Variants in FGL1 observed in about 807,000 individuals in gnomAD.
FGL1 encodes fibrinogen-like protein 1.
FGL1 carries 59 observed loss-of-function variants against 43.7 expected under a neutral mutation model. That is an observed-to-expected ratio of 1.35 (90% confidence interval 1.10 to 1.68). FGL1 has a LOEUF of 1.68. Ranked by LOEUF, FGL1 falls within the 40% of genes most tolerant of loss-of-function variation. The pLI is 0.00. For synonymous variants in FGL1, 192 were observed against 126.5 expected, an observed-to-expected ratio of 1.52 and a Z score of -3.48; for missense variants, 596 against 373.0, an observed-to-expected ratio of 1.60 and a Z score of -4.92.
At chr8:17,894,728 C>T (rs2053751179) in intron 1 of FGL1, among the ~76,000 whole-genome samples, 1 of 146,460 alleles carries the variant, frequency 6.8e-6, no homozygotes, top group Non-Finnish European at 1.5e-5. Context: ...ACGCCTAGAG[C>T]TTAAAAAAGA....
rs1041422868 is a variant in FGL1 at position 17,880,053 on chromosome 8, C to T, written c.244+1946G>A. ...CTTATCTGTATGCTCATCCCTTAAA[C>T]GATAGTCCGTTTGCTTCCCAAGCCC... On this transcript the variant is annotated intron_variant, in intron 3 of 7. Transcript: ENST00000427924. Among the ~76,000 whole-genome samples, 6 of 152,146 alleles carry T rather than the reference C, an allele frequency of 3.9e-5. No homozygotes were observed. In the East Asian group the frequency reaches 1.2e-3, roughly 29 times the overall value.
chr8:17,866,909 G>T (rs1421381344), intron 7 of FGL1, among the ~76,000 whole-genome samples: 1 of 152,170 alleles, frequency 6.6e-6, no homozygotes, highest in Non-Finnish European at 1.5e-5. Flanking sequence ...AGTAGGAACA[G>T]GTGAAGAAGA....
In FGL1 at chr8:17,892,416, T is replaced by A. The variant is rs2053718117; in HGVS notation, c.-18+3031A>T. On this transcript the variant is annotated intron_variant, in intron 1 of 7. Transcript: ENST00000427924. ...GAGACTAGAACATGCAGAGAAAATATAATTAGAGGAAGTGACATCATTCAG... is the reference window on the plus strand; with the variant it reads ...GAGACTAGAACATGCAGAGAAAATAAAATTAGAGGAAGTGACATCATTCAG... Among the ~76,000 whole-genome samples the A allele has an allele frequency of 3.3e-5, 5 of 152,134 alleles. No homozygotes were observed. In the South Asian group the frequency reaches 1.0e-3, roughly 32 times the overall value.
intron 2 of FGL1, among the ~76,000 whole-genome samples, 198 bp downstream of exon 2, chr8:17,885,294 C>T (rs902988500): frequency 1.3e-5 from 2 of 152,076 alleles, no homozygotes; most frequent in East Asian, 3.9e-4. Context: ...CCACCCATCT[C>T]GGCCTCCCCT....
intron 1 of FGL1, 69 bp downstream of exon 1, chr8:17,895,378 A>G: frequency 4.7e-6 from 6 of 1,275,462 alleles, no homozygotes; most frequent in Non-Finnish European, 6.1e-6. Flanking sequence ...TTTGGTTACT[A>G]TCATACCTGT....
At chr8:17,879,873 T>A (rs1199874112) in intron 3 of FGL1, among the ~76,000 whole-genome samples, 2 of 152,150 alleles carry the variant, frequency 1.3e-5, no homozygotes, top group African/African-American at 4.8e-5. Flanking sequence ...CCTGCCATGA[T>A]TGACCCTTGA....
At position 17,864,834 on chromosome 8, in the gene FGL1, G is replaced by C. The variant is rs2053246116; in HGVS notation, c.780-83C>G. ...GAATCCCTTTTATTTTGCTACAAATGCTCAAAATTTTTGAACTATGAATTC... is the reference window on the plus strand; with the variant it reads ...GAATCCCTTTTATTTTGCTACAAATCCTCAAAATTTTTGAACTATGAATTC... On this transcript the variant is annotated intron_variant, in intron 7 of 7. Transcript: ENST00000427924. 4.2e-6 allele frequency: 5 copies of C among 1,204,726 alleles called. No individual in the cohort carries two copies. In the South Asian group the frequency reaches 1.8e-4, roughly 43 times the overall value. The allele number at this position is 1,204,726 out of a possible 1,614,324, so 74.6% of individuals were successfully genotyped here.
At chr8:17,874,154 C>T (rs780460701) in intron 4 of FGL1, 38 bp from the exon 5 acceptor site, 23 of 1,549,680 alleles carry the variant, frequency 1.5e-5, no homozygotes, top group Non-Finnish European at 2.0e-5. Context: ...AGAGCAAACT[C>T]CATTTGTGGT....
chr8:17,885,533 T>G lies in FGL1; in HGVS notation c.22A>C (p.Ile8Leu). 1 of 1,613,914 alleles carries G rather than the reference T, an allele frequency of 6.2e-7. No individual in the cohort carries two copies. Among genetic ancestry groups the G allele is most frequent in the Non-Finnish European group, 8.5e-7 (1 of 1,179,886 alleles). MAKVFSF[I>L]LVTTALTMGR... is the part of the protein sequence containing the mutation. ...ATTGTCAGAGCGGTGGTAACAAGGA[T>G]GAAACTGAACACCTTTGCCATGTTC... The change falls in exon 2 of 8, where the codon ATC (isoleucine) becomes CTC (leucine). Residue 8 changes from isoleucine (I) to leucine (L), a missense_variant. Physicochemically the swap from Ile to Leu is conservative, Grantham distance 5. Transcript: ENST00000427924.
chr8:17,893,454 T>C (rs750253620), intron 1 of FGL1, among the ~76,000 whole-genome samples: 2 of 150,270 alleles, frequency 1.3e-5, no homozygotes, highest in Non-Finnish European at 3.0e-5. Context: ...ATAAGGTATA[T>C]AAATATTGCT....
At chr8:17,881,469 A>T (rs2053534492) in intron 3 of FGL1, among the ~76,000 whole-genome samples, 1 of 151,384 alleles carries the variant, frequency 6.6e-6, no homozygotes, top group Non-Finnish European at 1.5e-5. Context: ...TATTGTCCTG[A>T]TTTCTTATTA....
chr8:17,877,482 G>T (rs1285970525), intron 3 of FGL1, among the ~76,000 whole-genome samples: 2 of 152,084 alleles, frequency 1.3e-5, no homozygotes, highest in African/African-American at 2.4e-5. Flanking sequence ...GAGAACCAAA[G>T]GCACAAAGTA....
At chr8:17,878,892 T>A (rs908965317) in intron 3 of FGL1, among the ~76,000 whole-genome samples, 1 of 151,026 alleles carries the variant, frequency 6.6e-6, no homozygotes, top group African/African-American at 2.4e-5. Flanking sequence ...ATATATTTTA[T>A]ACCATATTAT....
intron 1 of FGL1, among the ~76,000 whole-genome samples, chr8:17,886,622 G>A (rs986039256): frequency 6.6e-6 from 1 of 152,124 alleles, no homozygotes; most frequent in Non-Finnish European, 1.5e-5. Context: ...GCCAGGCGTG[G>A]TGGTGGGCGC....
intron 1 of FGL1, among the ~76,000 whole-genome samples, chr8:17,889,962 A>G (rs549447223): frequency 6.6e-6 from 1 of 152,334 alleles, no homozygotes; most frequent in East Asian, 1.9e-4. Context: ...GAGAGAACAA[A>G]TTGGCAAGAA....
rs1325806234 is a variant in FGL1, at chr8:17,885,523, G to T, written c.32C>A (p.Thr11Asn). Residue 11 changes from threonine (T) to asparagine (N), a missense_variant, in exon 2 of 8, where the codon ACC becomes AAC. Coordinates refer to ENST00000427924, the MANE Select transcript of FGL1 (RefSeq NM_004467.4). ...TTCCCTGCCCATTGTCAGAGCGGTG[G>T]TAACAAGGATGAAACTGAACACCTT... is the stretch of plus-strand genomic sequence containing the variant. Reference protein sequence around the residue: MAKVFSFILVTTALTMGREIS... With the variant: MAKVFSFILVNTALTMGREIS... The T allele has an allele frequency of 1.2e-6, 2 of 1,613,726 alleles. No individual in the cohort carries two copies. The highest frequency in any genetic ancestry group is 1.7e-5 in the Admixed American group (1 of 59,996).
intron 1 of FGL1, among the ~76,000 whole-genome samples, chr8:17,885,940 T>C (rs2053621762): frequency 6.6e-6 from 1 of 152,218 alleles, no homozygotes; most frequent in Non-Finnish European, 1.5e-5. Context: ...ATGGAGCTTG[T>C]GTCTTTTTCT....
intron 5 of FGL1, 149 bp from the exon 6 acceptor site, chr8:17,869,153 GTATA>G: frequency 6.0e-6 from 3 of 497,444 alleles, no homozygotes; most frequent in Non-Finnish European, 1.1e-5. Flanking sequence ...TGACTCCTTT[GTATA>G]TATAACATGA....
intron 7 of FGL1, among the ~76,000 whole-genome samples, chr8:17,865,017 C>T (rs2053249343): frequency 6.6e-6 from 1 of 151,846 alleles, no homozygotes; most frequent in African/African-American, 2.4e-5. Context: ...AACTCCTGAG[C>T]TCAAGCAATC....
Sources: gnomAD v4.1 joint callset for allele counts (sites outside exome capture counted in the v4.1 genomes callset) on GRCh38, gnomAD v4.1.1 for gene constraint, MANE v1.5 for transcripts, NCBI Gene and HGNC (gene_info 2026-07-23, HGNC 2026-07-21) for gene names.